The following PLAA variants were observed in gnomAD, a reference collection of about 807,000 sequenced individuals.
PLAA encodes phospholipase A2 activating protein.
In PLAA, 48 loss-of-function variants were observed where a neutral mutation model predicts 84.1. The ratio of observed to expected loss-of-function variants is 0.57; its 90% CI spans 0.45 to 0.73. The LOEUF (loss-of-function observed/expected upper bound fraction) is 0.73, where lower values mean the gene tolerates loss of function less well. PLAA is among the 30% of genes least tolerant of loss of function. The probability of loss-of-function intolerance (pLI) is 0.00; values close to 1 mark genes in which losing one functional copy is unlikely to be tolerated. For missense variants in PLAA, 903 were observed against 954.7 expected, an observed-to-expected ratio of 0.95 and a Z score of 0.71; for synonymous variants, 392 against 336.6, an observed-to-expected ratio of 1.16 and a Z score of -1.80.
intron 10 of PLAA, among the ~76,000 whole-genome samples, chr9:26,914,365 G>C (rs1268961946): frequency 1.3e-5 from 2 of 152,234 alleles, no homozygotes; most frequent in South Asian, 2.1e-4. Context: ...GATAATACTT[G>C]TGGCTGTCCT....
chr9:26,921,926 C>T (rs1004837180), intron 7 of PLAA, among the ~76,000 whole-genome samples: 1 of 152,210 alleles, frequency 6.6e-6, no homozygotes, highest in Admixed American at 6.5e-5. Flanking sequence ...CACTCAAACA[C>T]TTGAATTTTA....
intron 10 of PLAA, chr9:26,916,718 A>AT: frequency 1.0e-6 from 1 of 988,778 alleles, no homozygotes. Flanking sequence ...AATTTCACAG[A>AT]TAAAAAAAAT....
intron 1 of PLAA, among the ~76,000 whole-genome samples, chr9:26,941,699 A>G (rs1825549420): frequency 6.6e-6 from 1 of 152,142 alleles, no homozygotes; most frequent in Non-Finnish European, 1.5e-5. Context: ...AGATATTGCA[A>G]CCATGAAACA....
intron 2 of PLAA, among the ~76,000 whole-genome samples, chr9:26,930,860 G>T (rs1181492920): frequency 6.6e-6 from 1 of 151,844 alleles, no homozygotes; most frequent in Non-Finnish European, 1.5e-5. Context: ...TGGGATTACA[G>T]GCATGCACCA....
Position 26,947,030 on chromosome 9 carries a change from T to G in PLAA, c.16A>C (p.Thr6Pro), listed in dbSNP as rs1244523400. Residue 6 changes from threonine (T) to proline (P), a missense_variant, in exon 1 of 14, where the codon ACC becomes CCC. Physicochemically the swap from Thr to Pro is conservative, Grantham distance 38 (BLOSUM62 -1). Coordinates refer to ENST00000397292, the MANE Select transcript of PLAA (RefSeq NM_001031689.3). The part of the protein sequence containing the change: MTSGA[T>P]RYRLSCSLRG... ...AGCGAGCAGCTCAGCCGGTACCTGG[T>G]TGCGCCGCTCGTCATGGCCAGTGTC... 1.9e-6 allele frequency: 3 copies of G among 1,586,898 alleles called. No homozygotes were observed. Among genetic ancestry groups the G allele is most frequent in the Non-Finnish European group, 2.6e-6 (3 of 1,167,374 alleles).
chr9:26,913,131 T>C (rs1308278092), intron 11 of PLAA, among the ~76,000 whole-genome samples: 1 of 152,206 alleles, frequency 6.6e-6, no homozygotes, highest in Non-Finnish European at 1.5e-5. Flanking sequence ...ATTTTAATGC[T>C]GAATAACATA....
At chr9:26,933,730 A>G (rs1382982317) in intron 2 of PLAA, among the ~76,000 whole-genome samples, 1 of 144,552 alleles carries the variant, frequency 6.9e-6, no homozygotes, top group Admixed American at 7.3e-5. Context: ...CAGAGCTTGC[A>G]GTGAGCCGAG....
At chr9:26,932,172 A>C (rs984335829) in intron 2 of PLAA, among the ~76,000 whole-genome samples, 1 of 152,138 alleles carries the variant, frequency 6.6e-6, no homozygotes, top group Non-Finnish European at 1.5e-5. Context: ...GTAAAAAAAG[A>C]TTTATGAGAC....
intron 7 of PLAA, among the ~76,000 whole-genome samples, chr9:26,922,643 A>C (rs909314360): frequency 2.0e-5 from 3 of 151,902 alleles, no homozygotes; most frequent in African/African-American, 7.3e-5. Flanking sequence ...CCAACTCATT[A>C]CACAGACAAT....
Position 26,905,999 on chromosome 9 carries a change from T to C in PLAA, c.1900A>G (p.Lys634Glu). The C allele has an allele frequency of 1.2e-6, 2 of 1,613,686 alleles. No individual in the cohort carries two copies. Among genetic ancestry groups the C allele is most frequent in the Non-Finnish European group, 8.5e-7 (1 of 1,179,716 alleles). The stretch of plus-strand genomic sequence containing the variant: ...TGACTGCTGAACTGAGCCCCTTCCT[T>C]TTCATTGCAGAAGTTCTCATTCACA... ...PSVNENFCNE[K>E]EGAQFSSHLI... Residue 634 changes from lysine to glutamate, a missense_variant, in exon 14 of 14, where the codon AAG becomes GAG. Lys to Glu is a moderately conservative substitution (Grantham distance 56). Transcript: ENST00000397292.
Position 26,905,305 on chromosome 9 carries a change from G to C in PLAA, c.*206C>G. 1 of 535,594 alleles carries C rather than the reference G, an allele frequency of 1.9e-6. No individual in the cohort carries two copies. The allele number at this position is 535,594 out of a possible 1,614,324, so 33.2% of individuals were successfully genotyped here. Reference sequence around the variant, plus strand: ...ATTTTAAATTTGTGTTCACACTCTTGAAAATCTACCCAAATTACACAGGAA... The same window carrying C: ...ATTTTAAATTTGTGTTCACACTCTTCAAAATCTACCCAAATTACACAGGAA... On this transcript the variant is annotated 3_prime_UTR_variant, in exon 14 of 14. Coordinates refer to ENST00000397292, the MANE Select transcript of PLAA (RefSeq NM_001031689.3).
chr9:26,933,203 C>T (rs1191011250), intron 2 of PLAA, among the ~76,000 whole-genome samples: 1 of 151,156 alleles, frequency 6.6e-6, no homozygotes, highest in African/African-American at 2.4e-5. Context: ...GGGAGGCAGA[C>T]GTTGCAGTGA....
chr9:26,914,906 C>G (rs1321110418), intron 10 of PLAA, among the ~76,000 whole-genome samples: 1 of 152,138 alleles, frequency 6.6e-6, no homozygotes, highest in African/African-American at 2.4e-5. Context: ...TTTAGAAACA[C>G]TTGGGGAACT....
At chr9:26,936,526 G>A (rs1434879185) in intron 1 of PLAA, among the ~76,000 whole-genome samples, 1 of 152,176 alleles carries the variant, frequency 6.6e-6, no homozygotes, top group Non-Finnish European at 1.5e-5. Flanking sequence ...ACTTCTAGGG[G>A]AAGGCTTGGA....
chr9:26,934,866 AAGAT>A (rs1291365067), intron 2 of PLAA, 143 bp downstream of exon 2: 20 of 605,370 alleles, frequency 3.3e-5, no homozygotes, highest in Non-Finnish European at 3.6e-5. Context: ...TTACGGAACT[AAGAT>A]AGCCCAAAAG....
chr9:26,930,188 T>C (rs1825135061), intron 2 of PLAA, among the ~76,000 whole-genome samples: 1 of 150,900 alleles, frequency 6.6e-6, no homozygotes, highest in Admixed American at 6.6e-5. Flanking sequence ...CACCGCAAGC[T>C]CTGCCTCCCG....
At chr9:26,924,275 T>C (rs1434955786) in intron 6 of PLAA, among the ~76,000 whole-genome samples, 2 of 151,946 alleles carry the variant, frequency 1.3e-5, no homozygotes, top group Non-Finnish European at 1.5e-5. Flanking sequence ...GGACTACAAA[T>C]GCATGCCACC....
chr9:26,918,906 C>T (rs947720122), intron 9 of PLAA, among the ~76,000 whole-genome samples: 2 of 151,670 alleles, frequency 1.3e-5, no homozygotes, highest in Non-Finnish European at 2.9e-5. Context: ...GTGTAGAATA[C>T]ACATCACATA....
chr9:26,912,073 G>T (rs1243284191), intron 11 of PLAA, among the ~76,000 whole-genome samples: 1 of 152,164 alleles, frequency 6.6e-6, no homozygotes, highest in East Asian at 1.9e-4. Context: ...TTCCCTGATG[G>T]AAAAGTACAG....
Sources: gnomAD v4.1 joint callset for allele counts (sites outside exome capture counted in the v4.1 genomes callset) on GRCh38, gnomAD v4.1.1 for gene constraint, MANE v1.5 for transcripts, NCBI Gene and HGNC (gene_info 2026-07-23, HGNC 2026-07-21) for gene names.